The following RARB variants were observed in gnomAD, a reference collection of about 807,000 sequenced individuals.
RARB encodes HBV-activated protein.
Under a neutral mutation model 51.9 loss-of-function variants are expected in RARB, and 17 were observed. That is an observed-to-expected ratio of 0.33 (90% CI 0.22 to 0.49). The LOEUF (loss-of-function observed/expected upper bound fraction) is 0.49. Among genes scored for constraint, RARB ranks in the 20% least tolerant of loss-of-function variants. The probability of loss-of-function intolerance (pLI) is 0.99; values close to 1 mark genes in which losing one functional copy is unlikely to be tolerated. For synonymous variants in RARB, 215 were observed against 195.4 expected (o/e 1.10, Z -0.84); for missense variants, 369 against 550.8 (o/e 0.67, Z 3.30).
At chr3:25,477,520 T>G (rs1272938987) in intron 2 of RARB, among the ~76,000 whole-genome samples, 2 of 152,252 alleles carry the variant, frequency 1.3e-5, no homozygotes, top group Non-Finnish European at 2.9e-5. Flanking sequence ...AGATGCCTTC[T>G]GTTCATTTTG....
intron 2 of RARB, among the ~76,000 whole-genome samples, chr3:25,489,198 G>C (rs1247826843): frequency 6.6e-6 from 1 of 152,122 alleles, no homozygotes; most frequent in Admixed American, 6.5e-5. Flanking sequence ...TTTTTCTTTT[G>C]CATTGGGGAC....
At chr3:25,094,586 C>G (rs1699259058) in intron 3 of RARB, among the ~76,000 whole-genome samples, 1 of 151,804 alleles carries the variant, frequency 6.6e-6, no homozygotes, top group African/African-American at 2.4e-5. Context: ...GGTGTGATGG[C>G]ATGCGCCTGT....
At chr3:25,145,506 AAAG>A (rs1455215933) in intron 4 of RARB, among the ~76,000 whole-genome samples, 1 of 151,814 alleles carries the variant, frequency 6.6e-6, no homozygotes. Flanking sequence ...ATTTCAAAAA[AAAG>A]AAAAAGAAAT....
At position 25,157,380 on chromosome 3, in the gene RARB, G is replaced by GTA. The variant is rs1553638369; in HGVS notation, c.-279-16731_-279-16730dup. ...TGTGTGTGTGTGTGTGTGTGTGTGT[G>GTA]TATATATATGGTTTTTTTTGTTGTT... On this transcript the variant is annotated intron_variant, in intron 4 of 11. Transcript: ENST00000383772. Among the ~76,000 whole-genome samples the GTA allele has an allele frequency of 3.0e-3, 446 of 146,760 alleles. 2 individuals are homozygous for GTA. The highest frequency in any genetic ancestry group is 7.0e-3 in the Middle Eastern group (2 of 286).
At chr3:24,984,672 A>T (rs952986014) in intron 2 of RARB, among the ~76,000 whole-genome samples, 1 of 152,208 alleles carries the variant, frequency 6.6e-6, no homozygotes, top group Admixed American at 6.5e-5. Context: ...TAGAACTCTA[A>T]TGTACAGTGT....
At chr3:25,203,419 T>A (rs954194719) in intron 5 of RARB, among the ~76,000 whole-genome samples, 11 of 152,358 alleles carry the variant, frequency 7.2e-5, no homozygotes, top group Middle Eastern at 3.4e-3. Flanking sequence ...TTGGAGCATT[T>A]AGCCCATTTA....
intron 2 of RARB, among the ~76,000 whole-genome samples, chr3:24,906,208 C>T (rs1056441600): frequency 6.6e-6 from 1 of 152,074 alleles, no homozygotes; most frequent in Non-Finnish European, 1.5e-5. Context: ...TAGCTAGTAG[C>T]TGGGTAGAAG....
rs531614822 is a variant in RARB at position 25,309,927 on chromosome 3, A to G, written c.178+135352A>G. On this transcript the variant is annotated intron_variant, in intron 5 of 11. Coordinates refer to the RARB transcript ENST00000383772. ...AACCTACTTGATGGCTTTAAAGAAAACTAAAGGCACTGAAAGCAAAGATTC... is the reference window on the plus strand; with the variant it reads ...AACCTACTTGATGGCTTTAAAGAAAGCTAAAGGCACTGAAAGCAAAGATTC... 9.8e-5 allele frequency among the ~76,000 whole-genome samples: 15 copies of G among 152,328 alleles called. No homozygotes were observed. The East Asian group carries it at 2.7e-3, about 27-fold the overall frequency.
intron 5 of RARB, among the ~76,000 whole-genome samples, chr3:25,242,218 T>C (rs960538050): frequency 6.6e-6 from 1 of 152,178 alleles, no homozygotes; most frequent in Non-Finnish European, 1.5e-5. Context: ...CTTTGTCAGA[T>C]GGATAGATAG....
At chr3:25,490,004 T>A (rs1314521073) in intron 2 of RARB, among the ~76,000 whole-genome samples, 1 of 152,244 alleles carries the variant, frequency 6.6e-6, no homozygotes, top group Non-Finnish European at 1.5e-5. Flanking sequence ...CTCAATAAAC[T>A]TAGTGAGATT....
chr3:25,390,090 A>G (rs190892983), intron 5 of RARB, among the ~76,000 whole-genome samples: 11 of 152,290 alleles, frequency 7.2e-5, no homozygotes, highest in African/African-American at 2.4e-4. Flanking sequence ...CCCAAAATTC[A>G]TATGTTGAAA....
chr3:25,010,279 G>A (rs56399650), intron 2 of RARB, among the ~76,000 whole-genome samples: 28,327 of 150,990 alleles, frequency 0.19, 3,380 homozygotes, highest in East Asian at 0.41. Flanking sequence ...TTAAAATTCC[G>A]TTCTCTGTAA....
At position 25,377,032 on chromosome 3, in the gene RARB, T is replaced by G. The variant is rs185100742; in HGVS notation, c.179-84161T>G. ...TATTAGTTTAGTTTGTTTGTTTGTT[T>G]GTTTGTTTTTAGTGTTTCTTGAGAA... On this transcript the variant is annotated intron_variant, in intron 5 of 11. Transcript: ENST00000383772. 3.3e-3 allele frequency among the ~76,000 whole-genome samples: 502 copies of G among 152,310 alleles called. 3 individuals are homozygous for G. Among genetic ancestry groups the G allele is most frequent in the South Asian group, 0.019 (90 of 4,820 alleles).
intron 2 of RARB, among the ~76,000 whole-genome samples, chr3:24,996,689 T>C (rs533398735): frequency 2.0e-5 from 3 of 152,244 alleles, no homozygotes; most frequent in East Asian, 1.9e-4. Flanking sequence ...TTAAATTTCA[T>C]GCATAATTTC....
chr3:25,388,851 TA>T (rs954424959), intron 5 of RARB, among the ~76,000 whole-genome samples: 7 of 151,684 alleles, frequency 4.6e-5, no homozygotes, highest in African/African-American at 9.7e-5. Flanking sequence ...TTCTAGGTAT[TA>T]AAAAAAAATC....
intron 5 of RARB, among the ~76,000 whole-genome samples, chr3:25,319,739 C>G (rs1704516875): frequency 6.6e-6 from 1 of 152,140 alleles, no homozygotes; most frequent in Non-Finnish European, 1.5e-5. Context: ...ACGAACCCTG[C>G]ATTTGTAGAG....
chr3:25,308,937 C>T (rs1704217949), intron 5 of RARB, among the ~76,000 whole-genome samples: 1 of 152,130 alleles, frequency 6.6e-6, no homozygotes, highest in African/African-American at 2.4e-5. Context: ...TCACCTCCAT[C>T]ATTCTAGAAG....
In RARB at chr3:25,286,083, C is replaced by CTT. The variant is rs33947703; in HGVS notation, c.178+111534_178+111535dup. Among the ~76,000 whole-genome samples, 174 of 76,500 alleles carry CTT rather than the reference C, an allele frequency of 2.3e-3. 14 individuals are homozygous for CTT. Among genetic ancestry groups the CTT allele is most frequent in the African/African-American group, 8.5e-3 (150 of 17,702 alleles). 50.2% of individuals were successfully genotyped at this position (76,500 alleles called of 152,430 possible). On this transcript the variant is annotated intron_variant, in intron 5 of 11. Transcript: ENST00000383772. ...ATTAATTGCTAGTCTTGATCTTTCT[C>CTT]TTTTTTTTTTTTTTTTTTTTTTTTT...
chr3:25,150,891 A>G (rs1410190568), intron 4 of RARB, among the ~76,000 whole-genome samples: 1 of 152,230 alleles, frequency 6.6e-6, no homozygotes, highest in African/African-American at 2.4e-5. Context: ...AGTAATGTAC[A>G]AACTGAATAT....
Sources: gnomAD v4.1 joint callset for allele counts (sites outside exome capture counted in the v4.1 genomes callset) on GRCh38, gnomAD v4.1.1 for gene constraint, MANE v1.5 for transcripts, NCBI Gene and HGNC (gene_info 2026-07-23, HGNC 2026-07-21) for gene names.